ADGRV1: variants seen among roughly 807,000 people sequenced by gnomAD.
ADGRV1 encodes the protein adhesion G protein-coupled receptor V1, also known as G-protein coupled receptor 98.
Under a neutral mutation model 596.2 loss-of-function variants are expected in ADGRV1, and 359 were observed. The observed-to-expected ratio is 0.60, with a 90% CI of 0.55 to 0.66. The LOEUF (loss-of-function observed/expected upper bound fraction) is 0.66, where lower values mean the gene tolerates loss of function less well. Ranked by LOEUF, ADGRV1 falls within the 30% of genes least tolerant of loss-of-function variation. The pLI is 0.00. For missense variants in ADGRV1, 7,274 were observed against 7,575.6 expected (o/e 0.96, Z 1.48); for synonymous variants, 2,681 against 2,679.2 (o/e 1.00, Z -0.02).
At chr5:91,063,501 A>G (rs1051044916) in intron 85 of ADGRV1, among the ~76,000 whole-genome samples, 1 of 152,150 alleles carries the variant, frequency 6.6e-6, no homozygotes, top group East Asian at 1.9e-4. Context: ...AAATTGTCAA[A>G]TCCTAGAACA....
Position 90,689,893 on chromosome 5 carries a change from G to T in ADGRV1, c.6523G>T (p.Val2175Phe), listed in dbSNP as rs1746241769. Reference protein sequence around the residue: ...EDYSIASSDVVLLEGETSKAV... With the variant: ...EDYSIASSDVFLLEGETSKAV... The stretch of plus-strand genomic sequence containing the variant: ...TTATAGTATAGCTTCATCAGATGTG[G>T]TCTTGCTAGAAGGGGAAACCAGTAA... The change falls in exon 30 of 90, where the codon GTC (valine) becomes TTC (phenylalanine). Residue 2175 changes from valine to phenylalanine, a missense_variant. By Grantham distance (50) the Val-to-Phe change is conservative. Transcript: ENST00000405460. 6 of 1,612,940 alleles carry T rather than the reference G, an allele frequency of 3.7e-6. No homozygotes were observed. The Admixed American group carries it at 8.3e-5, about 22-fold the overall frequency.
chr5:90,815,495 T>C (rs1395034291), intron 74 of ADGRV1, 124 bp from the exon 75 acceptor site: 1 of 557,292 alleles, frequency 1.8e-6, no homozygotes, highest in Non-Finnish European at 3.2e-6. Context: ...TTAACAACTG[T>C]AGCTCTCCTC....
At chr5:90,731,242 G>A (rs1752497854) in intron 50 of ADGRV1, among the ~76,000 whole-genome samples, 1 of 152,086 alleles carries the variant, frequency 6.6e-6, no homozygotes, top group South Asian at 2.1e-4. Flanking sequence ...TTCTTTACAT[G>A]GTGGAGGGAA....
At chr5:91,096,366 AT>A (rs1241463273) in intron 86 of ADGRV1, among the ~76,000 whole-genome samples, 12 of 152,228 alleles carry the variant, frequency 7.9e-5, no homozygotes, top group Admixed American at 2.6e-4. Context: ...TGGAAATAAT[AT>A]TTTTCACTAA....
At chr5:91,041,518 G>A (rs1228484719) in intron 85 of ADGRV1, among the ~76,000 whole-genome samples, 6 of 150,694 alleles carry the variant, frequency 4.0e-5, no homozygotes, top group Non-Finnish European at 7.4e-5. Flanking sequence ...GATAGCATTA[G>A]GAGAAATACC....
chr5:90,614,245 T>C, intron 1 of ADGRV1: 2 of 386,186 alleles, frequency 5.2e-6, no homozygotes, highest in South Asian at 4.0e-5. Context: ...TTCTTAGACG[T>C]GGTCTTAGTA....
intron 33 of ADGRV1, among the ~76,000 whole-genome samples, chr5:90,695,427 A>G (rs1451124313): frequency 6.6e-6 from 1 of 152,088 alleles, no homozygotes; most frequent in Non-Finnish European, 1.5e-5. Flanking sequence ...AGGTATCTTT[A>G]TTGAGATTAT....
intron 84 of ADGRV1, among the ~76,000 whole-genome samples, chr5:90,970,017 C>T (rs1778813861): frequency 6.6e-6 from 1 of 152,238 alleles, no homozygotes; most frequent in Admixed American, 6.5e-5. Context: ...AATCGGATCA[C>T]TCCCACCCTA....
In ADGRV1 at chr5:90,685,850, T is replaced by G; in HGVS notation, c.6345T>G (p.Asp2115Glu). The G allele has an allele frequency of 6.2e-7, 1 of 1,612,378 alleles. No homozygotes were observed. ...IAQLIIIAND[D>E]AFGTLQLSAP... ...AACTAATTATCATTGCCAATGATGA[T>G]GCATTTGGAACTCTTCAGCTCTCAG... The change falls in exon 29 of 90, where the codon GAT (aspartate) becomes GAG (glutamate). Residue 2115 changes from aspartate (D) to glutamate (E), a missense_variant. Asp to Glu is a conservative substitution (Grantham distance 45). This residue lies in a region of ADGRV1 where 3,643 missense variants were observed against 3,809.2 expected (regional missense o/e 0.96). Coordinates refer to ENST00000405460, the MANE Select transcript of ADGRV1 (RefSeq NM_032119.4).
chr5:91,136,649 G>A lies in ADGRV1; in HGVS notation c.18433-13381G>A, dbSNP rs185631277. On this transcript the variant is annotated intron_variant, in intron 87 of 89. Coordinates refer to ENST00000405460, the MANE Select transcript of ADGRV1 (RefSeq NM_032119.4). ...CAAATATATATAGTACATTTTATTT[G>A]AGATGCATAAAAATCCATGGAAGTA... is the stretch of plus-strand genomic sequence containing the variant. Among the ~76,000 whole-genome samples, 169 of 152,248 alleles carry A rather than the reference G, an allele frequency of 1.1e-3. No individual in the cohort carries two copies. In the Middle Eastern group the frequency reaches 0.02, roughly 18 times the overall value.
intron 43 of ADGRV1, among the ~76,000 whole-genome samples, chr5:90,719,006 T>C (rs910198895): frequency 6.6e-6 from 1 of 152,198 alleles, no homozygotes; most frequent in Admixed American, 6.5e-5. Context: ...TGTAAAGATA[T>C]ATATATACAT....
intron 21 of ADGRV1, among the ~76,000 whole-genome samples, chr5:90,659,596 C>T (rs1769941563): frequency 1.3e-5 from 2 of 152,300 alleles, no homozygotes; most frequent in Middle Eastern, 6.8e-3. Flanking sequence ...GAAACTGCCA[C>T]TTGTCAAATT....
rs1581508841 is a variant in ADGRV1, at chr5:90,918,754, A to G, written c.17857-46661A>G. On this transcript the variant is annotated intron_variant, in intron 83 of 89. Transcript: ENST00000405460. The stretch of plus-strand genomic sequence containing the variant: ...TCCCATGTATATTTACTCCACAATG[A>G]TTATTTAAACCATTATTTTATATTT... Among the ~76,000 whole-genome samples the G allele has an allele frequency of 2.0e-5, 3 of 152,304 alleles. No homozygotes were observed. In the Middle Eastern group the frequency reaches 0.01, roughly 518 times the overall value.
In ADGRV1 at chr5:90,635,290, G is replaced by C. The variant is rs1398335090; in HGVS notation, c.2016G>C (p.Val672=). 6.2e-7 allele frequency: 1 copy of C among 1,607,164 alleles called. No homozygotes were observed. Among genetic ancestry groups the C allele is most frequent in the East Asian group, 2.2e-5 (1 of 44,808 alleles). The part of the protein sequence containing the change: ...LHEPEDFAAE[V]VYIPLHRDGT... ...AACCAGAAGATTTTGCTGCTGAAGT[G>C]GTAAGTAGGCTCTTTCTTACTGATG... Residue 672 remains valine, a splice_region_variant and synonymous_variant, in exon 10 of 90, where the codon GTG becomes GTC. Transcript: ENST00000405460.
intron 5 of ADGRV1, among the ~76,000 whole-genome samples, chr5:90,623,607 C>T (rs1032921526): frequency 9.2e-5 from 14 of 151,916 alleles, no homozygotes; most frequent in Admixed American, 2.6e-4. Context: ...GAGATGAAGT[C>T]GCATTATGTT....
intron 50 of ADGRV1, among the ~76,000 whole-genome samples, chr5:90,735,241 A>C (rs1450615845): frequency 6.6e-6 from 1 of 152,198 alleles, no homozygotes; most frequent in Non-Finnish European, 1.5e-5. Flanking sequence ...GTGGATATCC[A>C]ATTTTCTCAA....
chr5:91,018,550 A>G (rs1180800020), intron 85 of ADGRV1, among the ~76,000 whole-genome samples: 2 of 151,964 alleles, frequency 1.3e-5, no homozygotes, highest in African/African-American at 4.8e-5. Flanking sequence ...TTCTAAAAAG[A>G]AGAAACTTGT....
At chr5:90,791,663 A>G (rs774395716) in intron 70 of ADGRV1, 35 of 227,438 alleles carry the variant, frequency 1.5e-4, no homozygotes, top group Non-Finnish European at 2.8e-4. Context: ...GCACACGCAC[A>G]CACACTGATA....
intron 1 of ADGRV1, among the ~76,000 whole-genome samples, chr5:90,600,547 T>A (rs1304369276): frequency 1.3e-5 from 2 of 152,196 alleles, no homozygotes; most frequent in African/African-American, 2.4e-5. Flanking sequence ...CTTAATCCAG[T>A]CTATCATTGA....
Sources: allele counts gnomAD v4.1 joint callset (sites outside exome capture counted in the v4.1 genomes callset), GRCh38; gene constraint gnomAD v4.1.1; regional missense constraint gnomAD v4.1.1; transcripts MANE v1.5; gene names NCBI Gene and HGNC (gene_info 2026-07-23, HGNC 2026-07-21).